Variants in EPC1 observed in about 807,000 individuals in gnomAD.
EPC1 encodes enhancer of polycomb 1.
Under a neutral mutation model 98.4 loss-of-function variants are expected in EPC1, and 12 were observed. The observed-to-expected ratio is 0.12, with a 90% CI of 0.08 to 0.20. The LOEUF is 0.20. Ranked by LOEUF, EPC1 falls within the 10% of genes least tolerant of loss-of-function variation. EPC1 has a pLI of 1.00. For synonymous variants in EPC1, 357 were observed against 363.9 expected (o/e 0.98, Z 0.21); for missense variants, 729 against 990.5 (o/e 0.74, Z 3.54).
At position 32,287,116 on chromosome 10, in the gene EPC1, G is replaced by T; in HGVS notation, c.1134C>A (p.Asp378Glu). ...DLNQYDFPSS[D>E]EEPLSQVLSG... ...TTTGTACCTGGGAGAGAGGTTCTTC[G>T]TCTGAGCTGGGAAAGTCATACTGAT... Residue 378 changes from aspartate to glutamate, a missense_variant, in exon 7 of 14, where the codon GAC (aspartate) becomes GAA (glutamate). Asp to Glu is a conservative substitution (Grantham distance 45). Around this residue, in one of 6 missense-constraint regions of EPC1, gnomAD observed 390 missense variants for 438.6 expected, o/e 0.89. Transcript: ENST00000319778. 6.2e-7 allele frequency: 1 copy of T among 1,614,162 alleles called. No homozygotes were observed. The highest frequency in any genetic ancestry group is 8.5e-7 in the Non-Finnish European group (1 of 1,180,040).
intron 4 of EPC1, 45 bp downstream of exon 4, chr10:32,292,943 A>C (rs953097764): frequency 2.6e-5 from 33 of 1,254,052 alleles, no homozygotes; most frequent in Non-Finnish European, 3.6e-5. Flanking sequence ...ACTATAAATA[A>C]TTTTTATTAT....
At chr10:32,290,505 A>AAAAGAAAGAAAGAAAG (rs1564527672) in intron 6 of EPC1, among the ~76,000 whole-genome samples, 17 of 77,514 alleles carry the variant, frequency 2.2e-4, no homozygotes, top group East Asian at 1.4e-3. Context: ...AAAAAAAAAA[A>AAAAGAAAGAAAGAAAG]AAAGAAAGAA....
At chr10:32,303,556 A>AT (rs910238027) in intron 2 of EPC1, among the ~76,000 whole-genome samples, 1 of 152,242 alleles carries the variant, frequency 6.6e-6, no homozygotes, top group African/African-American at 2.4e-5. Flanking sequence ...CCTCAAAAGG[A>AT]TACATACTGC....
chr10:32,286,443 T>A, intron 9 of EPC1: 1 of 487,128 alleles, frequency 2.1e-6, no homozygotes, highest in Non-Finnish European at 3.6e-6. Context: ...TACCCCTTGA[T>A]AATTTATCTG....
intron 1 of EPC1, among the ~76,000 whole-genome samples, chr10:32,313,163 T>C (rs931399870): frequency 4.6e-5 from 7 of 152,046 alleles, no homozygotes; most frequent in Admixed American, 4.6e-4. Context: ...CCAATGACAA[T>C]GGAATCATTT....
upstream of EPC1, chr10:32,347,228 G>A (rs1838907946): frequency 8.2e-7 from 1 of 1,221,662 alleles, no homozygotes; most frequent in Admixed American, 4.3e-5. Context: ...CGGGCGGGGG[G>A]AGGGAGCGCG....
At chr10:32,358,102 G>A (rs1346006080) in intron 1 of EPC1, among the ~76,000 whole-genome samples, 1 of 151,940 alleles carries the variant, frequency 6.6e-6, no homozygotes, top group African/African-American at 2.4e-5. Flanking sequence ...TGATCCACCC[G>A]CCTCAGCCTC....
intron 1 of EPC1, among the ~76,000 whole-genome samples, chr10:32,327,402 A>G (rs1264934754): frequency 6.6e-6 from 1 of 152,212 alleles, no homozygotes; most frequent in African/African-American, 2.4e-5. Flanking sequence ...TAGAGTGACT[A>G]TTGCTAACGA....
intron 1 of EPC1, among the ~76,000 whole-genome samples, chr10:32,357,537 T>C (rs1030611251): frequency 2.0e-5 from 3 of 152,220 alleles, no homozygotes; most frequent in Admixed American, 6.5e-5. Flanking sequence ...CACGGCTCAC[T>C]GCAGCCTCAA....
rs571586249 is a variant in EPC1 at position 32,363,769 on chromosome 10, T to C, written c.3+14722A>G. 2.0e-4 allele frequency among the ~76,000 whole-genome samples: 30 copies of C among 152,260 alleles called. No individual in the cohort carries two copies. In the East Asian group the frequency reaches 5.2e-3, roughly 26 times the overall value. The stretch of plus-strand genomic sequence containing the variant: ...TCTTCTGTCTTAACAGAACTCTTTT[T>C]GCCTTTGTTTTCTTGAGTTGTTCCG... On this transcript the variant is annotated intron_variant, in intron 1 of 13. Coordinates refer to the EPC1 transcript ENST00000375110.
At chr10:32,348,281 A>G (rs1838989287), upstream of EPC1, among the ~76,000 whole-genome samples, 1 of 150,754 alleles carries the variant, frequency 6.6e-6, no homozygotes, top group African/African-American at 2.5e-5. Context: ...GTTGTTGTTA[A>G]TAGGGAAGAT....
chr10:32,311,261 C>T (rs370077922), intron 1 of EPC1, among the ~76,000 whole-genome samples: 4 of 151,002 alleles, frequency 2.6e-5, no homozygotes, highest in African/African-American at 7.3e-5. Flanking sequence ...TGCAGTGAGC[C>T]GAGATTGCAC....
rs375808402 is a variant in EPC1 at position 32,373,633 on chromosome 10, G to C, written c.3+4858C>G. 7.2e-5 allele frequency among the ~76,000 whole-genome samples: 11 copies of C among 152,240 alleles called. No homozygotes were observed. In the East Asian group the frequency reaches 1.9e-3, roughly 27 times the overall value. On this transcript the variant is annotated intron_variant, in intron 1 of 13. Transcript: ENST00000375110. ...ACTGTGCTATGGGGCTTCTGAGAAAGGATTTCTTCCTTTACAACAAGATGA... is the reference window on the plus strand; with the variant it reads ...ACTGTGCTATGGGGCTTCTGAGAAACGATTTCTTCCTTTACAACAAGATGA...
Position 32,294,067 on chromosome 10 carries a change from G to A in EPC1, c.314-330C>T, listed in dbSNP as rs189786961. ...AACTTATTTGGTTGAACCATGTGAA[G>A]TGCCATTTTTATAGCTCAAAAATCA... is the stretch of plus-strand genomic sequence containing the variant. On this transcript the variant is annotated intron_variant, in intron 2 of 13. Coordinates refer to ENST00000319778, the MANE Select transcript of EPC1 (RefSeq NM_001272004.3). Among the ~76,000 whole-genome samples, 8 of 152,280 alleles carry A rather than the reference G, an allele frequency of 5.3e-5. No individual in the cohort carries two copies. The East Asian group carries it at 1.5e-3, about 29-fold the overall frequency.
intron 1 of EPC1, among the ~76,000 whole-genome samples, chr10:32,343,142 C>A (rs1409564940): frequency 1.3e-5 from 2 of 151,314 alleles, no homozygotes; most frequent in East Asian, 3.9e-4. Flanking sequence ...TCTATTATTT[C>A]GCTGTGATTT....
In EPC1 at chr10:32,284,883, T is replaced by G. The variant is rs200363877; in HGVS notation, c.1559A>C (p.Asn520Thr). ...ATGCCGCCATCTACATGATTTGATA[T>G]TGACTAGTATCTGACTGAGGTCTTT... ...FSKDLSQILV[N>T]IKSCRWRHFR... Residue 520 changes from asparagine to threonine, a missense_variant, in exon 10 of 14, where the codon AAT becomes ACT. Transcript: ENST00000319778. The G allele has an allele frequency of 1.9e-6, 3 of 1,614,212 alleles. No individual in the cohort carries two copies. The highest frequency in any genetic ancestry group is 2.5e-6 in the Non-Finnish European group (3 of 1,180,038).
rs138719924 is a variant in EPC1, at chr10:32,344,517, G to A, written c.153+2246C>T. ...AATGTCAAAATTGGCCGGGCGCGGT[G>A]GCTCATGCCTGTAATCCCAGCACTT... On this transcript the variant is annotated intron_variant, in intron 1 of 13. Transcript: ENST00000319778. Among the ~76,000 whole-genome samples, 1,472 of 152,270 alleles carry A rather than the reference G, an allele frequency of 9.7e-3. 23 individuals are homozygous for A. Among genetic ancestry groups the A allele is most frequent in the African/African-American group, 0.033 (1,381 of 41,550 alleles).
At position 32,269,090 on chromosome 10, in the gene EPC1, G is replaced by C; in HGVS notation, c.2415C>G (p.Asp805Glu). The change falls in exon 14 of 14, where the codon GAC (aspartate) becomes GAG (glutamate). Residue 805 changes from aspartate (D) to glutamate (E), a missense_variant. Asp to Glu is a conservative substitution (Grantham distance 45, BLOSUM62 2). Transcript: ENST00000319778. ...ACGTCACCTCCATCGCTACTGTGTT[G>C]TCTGCTATGTTGTTCAGTGCTGGCT... is the stretch of plus-strand genomic sequence containing the variant. ...SEKPALNNIADNTVAMEVT is the reference protein window; with the variant it reads ...SEKPALNNIAENTVAMEVT 7 of 1,613,856 alleles carry C rather than the reference G, an allele frequency of 4.3e-6. No homozygotes were observed. The highest frequency in any genetic ancestry group is 5.9e-6 in the Non-Finnish European group (7 of 1,179,896).
At chr10:32,291,090 CTTTTT>C (rs1837002553) in intron 6 of EPC1, 68 bp downstream of exon 6, 2 of 1,436,812 alleles carry the variant, frequency 1.4e-6, no homozygotes, top group African/African-American at 2.8e-5. Context: ...GTGTGTTTTT[CTTTTT>C]AACTTTCATT....
Sources: allele counts gnomAD v4.1 joint callset (sites outside exome capture counted in the v4.1 genomes callset), GRCh38; gene constraint gnomAD v4.1.1; regional missense constraint gnomAD v4.1.1; transcripts MANE v1.5; gene names NCBI Gene and HGNC (gene_info 2026-07-23, HGNC 2026-07-21).